CARD8: variants seen among roughly 807,000 people sequenced by gnomAD.
The protein encoded by CARD8 is caspase recruitment domain family member 8.
A neutral mutation model predicts 53.2 loss-of-function variants in CARD8; 38 were observed. That is an observed-to-expected ratio of 0.71 (90% confidence interval 0.55 to 0.94). The LOEUF (loss-of-function observed/expected upper bound fraction) is 0.94, where lower values mean the gene tolerates loss of function less well. Among genes scored for constraint, CARD8 ranks in the 40% least tolerant of loss-of-function variants. The pLI is 0.00. For missense variants in CARD8, 561 were observed against 655.5 expected (o/e 0.86, Z 1.57); for synonymous variants, 245 against 244.9 (o/e 1.00, Z 0.00).
Position 48,209,515 on chromosome 19 carries a change from A to G in CARD8, c.*2195T>C, listed in dbSNP as rs1408611298. ...GAAAATAGACAAATTAAAATTACCCAATCAGAATAATGGAAAAAATGAAAA... is the reference window on the plus strand; with the variant it reads ...GAAAATAGACAAATTAAAATTACCCGATCAGAATAATGGAAAAAATGAAAA... On this transcript the variant is annotated 3_prime_UTR_variant, in exon 14 of 14. Coordinates refer to ENST00000651546, the MANE Select transcript of CARD8 (RefSeq NM_001184900.3). The G allele has an allele frequency of 6.6e-6, 1 of 152,208 alleles. No individual in the cohort carries two copies. Among genetic ancestry groups the G allele is most frequent in the Non-Finnish European group, 1.5e-5 (1 of 68,036 alleles). The allele number at this position is 152,208 out of a possible 1,614,324, so 9.4% of individuals were successfully genotyped here.
chr19:48,241,032 G>C lies in CARD8; in HGVS notation c.-12C>G. ...TCCTTTTTTTCCATTTGTCAAATGT[G>C]GTATTTATGTCTTTACTGTATCTTT... On this transcript the variant is annotated 5_prime_UTR_variant, in exon 4 of 14. Transcript: ENST00000651546. 2.0e-6 allele frequency: 3 copies of C among 1,533,294 alleles called. No homozygotes were observed. The highest frequency in any genetic ancestry group is 2.6e-6 in the Non-Finnish European group (3 of 1,144,398). 95.0% of individuals were successfully genotyped at this position (1,533,294 alleles called of 1,614,324 possible).
intron 5 of CARD8, among the ~76,000 whole-genome samples, chr19:48,235,675 C>T (rs2043748021): frequency 6.6e-6 from 1 of 152,158 alleles, no homozygotes; most frequent in African/African-American, 2.4e-5. Context: ...TGAGCCACCG[C>T]ACCCAGCCTG....
Position 48,210,207 on chromosome 19 carries a change from T to C in CARD8, c.*1503A>G, listed in dbSNP as rs2037758887. 1 of 152,110 alleles carries C rather than the reference T, an allele frequency of 6.6e-6. No individual in the cohort carries two copies. Among genetic ancestry groups the C allele is most frequent in the African/African-American group, 2.4e-5 (1 of 41,420 alleles). 9.4% of individuals were successfully genotyped at this position (152,110 alleles called of 1,614,324 possible). The stretch of plus-strand genomic sequence containing the variant: ...AATACGGAAGCTAAAAGGAAACTGC[T>C]GAACAGAAAACAATGTCAACTAAAA... On this transcript the variant is annotated 3_prime_UTR_variant, in exon 14 of 14. Transcript: ENST00000651546.
chr19:48,233,557 G>C (rs2043305687), intron 6 of CARD8: 2 of 361,602 alleles, frequency 5.5e-6, no homozygotes, highest in South Asian at 2.1e-5. Context: ...GTAGCTACAG[G>C]CAAAGCAGCA....
chr19:48,227,300 T>C (rs942850361), intron 10 of CARD8, among the ~76,000 whole-genome samples: 6 of 152,002 alleles, frequency 3.9e-5, no homozygotes, highest in Non-Finnish European at 8.8e-5. Context: ...CGGTTCCAAG[T>C]TGGAGCTCTG....
At chr19:48,246,375 T>C (rs774654239) in intron 3 of CARD8, among the ~76,000 whole-genome samples, 3 of 152,170 alleles carry the variant, frequency 2.0e-5, no homozygotes, top group Non-Finnish European at 4.4e-5. Context: ...CACGGATCCT[T>C]GGCTCCCTTG....
intron 12 of CARD8, 145 bp downstream of exon 12, chr19:48,218,726 C>G (rs1600159535): frequency 2.4e-6 from 2 of 841,528 alleles, no homozygotes; most frequent in East Asian, 5.0e-5. Context: ...GTTCCCCTCC[C>G]TGTGTCCATG....
intron 3 of CARD8, among the ~76,000 whole-genome samples, chr19:48,241,445 A>T (rs1363030474): frequency 6.6e-6 from 1 of 152,156 alleles, no homozygotes; most frequent in Non-Finnish European, 1.5e-5. Context: ...TAGTATAGAC[A>T]GGGTTTCTCC....
At chr19:48,235,647 G>A (rs1034173831) in intron 5 of CARD8, among the ~76,000 whole-genome samples, 3 of 152,160 alleles carry the variant, frequency 2.0e-5, no homozygotes, top group African/African-American at 7.2e-5. Context: ...GCATCCCAAA[G>A]CACTGGGATT....
rs957745199 is a variant in CARD8 at position 48,232,318 on chromosome 19, A to C, written c.391+135T>G. The C allele has an allele frequency of 5.1e-6, 4 of 787,420 alleles. No individual in the cohort carries two copies. In the East Asian group the frequency reaches 1.1e-4, roughly 21 times the overall value. 48.8% of individuals were successfully genotyped at this position (787,420 alleles called of 1,614,324 possible). A position where few individuals can be genotyped will look rare whatever the true frequency, so the allele number is the denominator to read the frequency against. ...TTACATGTCCCCATTTAAACTGCAC[A>C]GTGCACTGTGGCAAAGGTAAGGGAA... On this transcript the variant is annotated intron_variant, in intron 7 of 13. Transcript: ENST00000651546.
intron 3 of CARD8, among the ~76,000 whole-genome samples, chr19:48,247,515 A>G (rs899589238): frequency 6.6e-6 from 1 of 152,158 alleles, no homozygotes; most frequent in Non-Finnish European, 1.5e-5. Context: ...AAGGCATAGT[A>G]AACAACATGT....
At chr19:48,212,821 C>G (rs1305897143) in intron 13 of CARD8, 1 of 152,196 alleles carries the variant, frequency 6.6e-6, no homozygotes, top group Admixed American at 6.5e-5. Context: ...GATTCTTAAC[C>G]AAGCTCCTTA....
At chr19:48,204,192 G>C (rs1313829013), downstream of CARD8, 2 of 456,002 alleles carry the variant, frequency 4.4e-6, no homozygotes, top group East Asian at 1.4e-4. Flanking sequence ...ATGGTTACGA[G>C]CCGCTCAGCG....
chr19:48,237,220 G>A (rs7253718), intron 5 of CARD8, among the ~76,000 whole-genome samples: 43,535 of 151,494 alleles, frequency 0.29, 6,503 homozygotes, highest in Admixed American at 0.36. Flanking sequence ...CCTCAGGGAC[G>A]TTTAACTCAT....
chr19:48,210,641 T>C lies in CARD8; in HGVS notation c.*1069A>G, dbSNP rs1043123072. ...TGGTACAAATGTGATAACAGTAGAA[T>C]AGAAAAGACATAACAAACTGGCTGA... On this transcript the variant is annotated 3_prime_UTR_variant, in exon 14 of 14. Transcript: ENST00000651546. 5.3e-5 allele frequency: 8 copies of C among 152,136 alleles called. No homozygotes were observed. The highest frequency in any genetic ancestry group is 8.8e-5 in the Non-Finnish European group (6 of 68,020). The allele number at this position is 152,136 out of a possible 1,614,324, so 9.4% of individuals were successfully genotyped here. A position where few individuals can be genotyped will look rare whatever the true frequency, so the allele number is the denominator to read the frequency against.
chr19:48,230,404 C>A (rs748967041), intron 10 of CARD8, 34 bp downstream of exon 10: 2 of 1,560,018 alleles, frequency 1.3e-6, no homozygotes, highest in Admixed American at 3.7e-5. Context: ...ATATAATCGT[C>A]ATCTTCTCTG....
downstream of CARD8, chr19:48,204,004 G>T: frequency 1.1e-5 from 4 of 366,362 alleles, no homozygotes; most frequent in South Asian, 7.8e-5. Flanking sequence ...AGCTCCATCT[G>T]AGCATGTGCA....
At chr19:48,231,573 G>C in intron 8 of CARD8, 87 bp downstream of exon 8, 1 of 1,362,358 alleles carries the variant, frequency 7.3e-7, no homozygotes, top group Non-Finnish European at 1.0e-6. Flanking sequence ...AAAGTGCCGA[G>C]ATTACAGGCC....
At chr19:48,240,404 A>G (rs1418953377) in intron 4 of CARD8, among the ~76,000 whole-genome samples, 1 of 152,154 alleles carries the variant, frequency 6.6e-6, no homozygotes, top group Non-Finnish European at 1.5e-5. Flanking sequence ...TGAAGTTGCC[A>G]TGGTCAGAAT....
Sources: allele counts gnomAD v4.1 joint callset (sites outside exome capture counted in the v4.1 genomes callset), GRCh38; gene constraint gnomAD v4.1.1; transcripts MANE v1.5; gene names NCBI Gene and HGNC (gene_info 2026-07-23, HGNC 2026-07-21).